The following WDR70 variants were observed in gnomAD, a reference collection of about 807,000 sequenced individuals.
WDR70 encodes the protein WD repeat domain 70, also known as WD repeat-containing protein 70.
In WDR70, 53 loss-of-function variants were observed where a neutral mutation model predicts 88.6. The ratio of observed to expected loss-of-function variants is 0.60; its 90% confidence interval spans 0.48 to 0.75. The LOEUF (loss-of-function observed/expected upper bound fraction) is 0.75. Among genes scored for constraint, WDR70 ranks in the 30% least tolerant of loss-of-function variants. The pLI, the probability that WDR70 is intolerant of heterozygous loss-of-function variation, is 0.00. For synonymous variants in WDR70, 280 were observed against 270.0 expected (o/e 1.04, Z -0.36); for missense variants, 610 against 823.2 (o/e 0.74, Z 3.17).
intron 17 of WDR70, among the ~76,000 whole-genome samples, chr5:37,729,269 G>A (rs1314201235): frequency 6.6e-6 from 1 of 152,158 alleles, no homozygotes; most frequent in Non-Finnish European, 1.5e-5. Flanking sequence ...ACGAAAGGCT[G>A]TGTGCTGGAT....
At chr5:37,659,490 T>C (rs1157134746) in intron 10 of WDR70, among the ~76,000 whole-genome samples, 1 of 152,242 alleles carries the variant, frequency 6.6e-6, no homozygotes, top group Admixed American at 6.5e-5. Context: ...AGTGGAAGCA[T>C]AGGAATTTTA....
At chr5:37,526,234 A>G (rs554025312) in intron 9 of WDR70, among the ~76,000 whole-genome samples, 33 of 152,224 alleles carry the variant, frequency 2.2e-4, no homozygotes, top group Non-Finnish European at 3.5e-4. Flanking sequence ...AAAATCCTCA[A>G]TAAAATACTG....
At chr5:37,663,567 A>G (rs945618476) in intron 10 of WDR70, among the ~76,000 whole-genome samples, 1 of 151,918 alleles carries the variant, frequency 6.6e-6, no homozygotes, top group African/African-American at 2.4e-5. Flanking sequence ...CTTGTCATTC[A>G]TCTCATTGGG....
chr5:37,550,834 T>A (rs1157166210), intron 9 of WDR70, among the ~76,000 whole-genome samples: 1 of 152,176 alleles, frequency 6.6e-6, no homozygotes, highest in Non-Finnish European at 1.5e-5. Context: ...TTCCTTCCTG[T>A]CTGTTTCTTA....
chr5:37,488,910 A>C (rs1191237406), intron 8 of WDR70, among the ~76,000 whole-genome samples: 2 of 152,142 alleles, frequency 1.3e-5, no homozygotes, highest in Admixed American at 1.3e-4. Flanking sequence ...CTCTTGTAAC[A>C]GTTACTTCTT....
At chr5:37,552,779 A>G (rs1258087216) in intron 9 of WDR70, among the ~76,000 whole-genome samples, 6 of 152,206 alleles carry the variant, frequency 3.9e-5, no homozygotes, top group Admixed American at 3.3e-4. Context: ...CTTGAGCTGA[A>G]TGCACAGAGA....
At chr5:37,502,401 G>A (rs1311171189) in intron 8 of WDR70, among the ~76,000 whole-genome samples, 2 of 152,064 alleles carry the variant, frequency 1.3e-5, no homozygotes, top group Non-Finnish European at 2.9e-5. Flanking sequence ...TCCCCATTTA[G>A]TATGATGTTG....
chr5:37,689,632 G>T (rs970935970), intron 10 of WDR70, among the ~76,000 whole-genome samples: 5 of 152,078 alleles, frequency 3.3e-5, no homozygotes, highest in African/African-American at 9.7e-5. Flanking sequence ...ACTGTTAAAA[G>T]GAAAACTAAC....
rs574647714 is a variant in WDR70 at position 37,659,781 on chromosome 5, CTCT to C, written c.1093-37869_1093-37867del. ...GTAGGGAGGGACAGGCTCTGTCTTC[CTCT>C]TCTTATATGGACACTAATTCCATCA... On this transcript the variant is annotated intron_variant, in intron 10 of 17. Coordinates refer to ENST00000265107, the MANE Select transcript of WDR70 (RefSeq NM_018034.4). 1.3e-3 allele frequency among the ~76,000 whole-genome samples: 191 copies of C among 152,204 alleles called. 2 individuals carry two copies. Among genetic ancestry groups the C allele is most frequent in the African/African-American group, 4.4e-3 (183 of 41,542 alleles).
At chr5:37,440,637 G>A (rs1266858511) in intron 6 of WDR70, among the ~76,000 whole-genome samples, 5 of 152,172 alleles carry the variant, frequency 3.3e-5, no homozygotes, top group Admixed American at 6.6e-5. Context: ...GAGCCACTGC[G>A]CCCAGCCTCC....
chr5:37,610,837 A>G (rs530692506), intron 10 of WDR70, among the ~76,000 whole-genome samples: 28 of 152,310 alleles, frequency 1.8e-4, no homozygotes, highest in African/African-American at 6.7e-4. Context: ...AATAGGGATT[A>G]CAGAGTAATA....
At position 37,472,118 on chromosome 5, in the gene WDR70, A is replaced by G. The variant is rs1000333864; in HGVS notation, c.687-7716A>G. On this transcript the variant is annotated intron_variant, in intron 7 of 17. Coordinates refer to ENST00000265107, the MANE Select transcript of WDR70 (RefSeq NM_018034.4). Reference sequence around the variant, plus strand: ...AGGTTTTATGAAATTATTAGTGAATATCCCAAGTTTAAATACAAATTTTGT... The same window carrying G: ...AGGTTTTATGAAATTATTAGTGAATGTCCCAAGTTTAAATACAAATTTTGT... Among the ~76,000 whole-genome samples the G allele has an allele frequency of 3.3e-5, 5 of 151,976 alleles. No individual in the cohort carries two copies. In the East Asian group the frequency reaches 7.7e-4, roughly 23 times the overall value.
intron 8 of WDR70, among the ~76,000 whole-genome samples, chr5:37,482,023 T>C (rs775355294): frequency 1.2e-4 from 18 of 152,170 alleles, no homozygotes; most frequent in Non-Finnish European, 2.6e-4. Context: ...CTTTACTCCA[T>C]TTCCCAACAA....
At chr5:37,410,050 T>A (rs576169663) in intron 5 of WDR70, among the ~76,000 whole-genome samples, 81 of 133,658 alleles carry the variant, frequency 6.1e-4, no homozygotes, top group African/African-American at 2.8e-3. Context: ...GGTCCACTAG[T>A]GTTTTTTTTT....
intron 7 of WDR70, among the ~76,000 whole-genome samples, chr5:37,472,956 C>T (rs1739371648): frequency 6.6e-6 from 1 of 152,030 alleles, no homozygotes. Flanking sequence ...TATGAAACTG[C>T]CAAACAGTTC....
At chr5:37,502,892 C>G (rs1217954973) in intron 8 of WDR70, among the ~76,000 whole-genome samples, 2 of 152,198 alleles carry the variant, frequency 1.3e-5, no homozygotes, top group Non-Finnish European at 2.9e-5. Context: ...CAGCACTAAT[C>G]CATGAAGGAT....
intron 10 of WDR70, among the ~76,000 whole-genome samples, chr5:37,679,327 G>C (rs1361395593): frequency 6.6e-6 from 1 of 151,846 alleles, no homozygotes; most frequent in South Asian, 2.1e-4. Flanking sequence ...AGAGTTTCCA[G>C]TTTTTCTGCT....
intron 8 of WDR70, among the ~76,000 whole-genome samples, chr5:37,510,656 A>G (rs867001228): frequency 6.6e-6 from 1 of 152,268 alleles, no homozygotes; most frequent in Middle Eastern, 3.4e-3. Context: ...TTTCACATTC[A>G]TGTTTCACTG....
chr5:37,634,522 A>G (rs1744906272), intron 10 of WDR70, among the ~76,000 whole-genome samples: 1 of 152,168 alleles, frequency 6.6e-6, no homozygotes, highest in South Asian at 2.1e-4. Flanking sequence ...TGGAGAGGGA[A>G]GTCTATGATC....
Sources: allele counts gnomAD v4.1 joint callset (sites outside exome capture counted in the v4.1 genomes callset), GRCh38; gene constraint gnomAD v4.1.1; transcripts MANE v1.5; gene names NCBI Gene and HGNC (gene_info 2026-07-23, HGNC 2026-07-21).